Variants in FECH observed in about 807,000 individuals in gnomAD.
FECH encodes ferrochelatase, mitochondrial.
Under a neutral mutation model 56.9 loss-of-function variants are expected in FECH, and 40 were observed. The ratio of observed to expected loss-of-function variants is 0.70; its 90% confidence interval spans 0.55 to 0.92. FECH has a LOEUF of 0.92. FECH is among the 40% of genes least tolerant of loss of function. The pLI is 0.00. For synonymous variants in FECH, 175 were observed against 198.6 expected, an observed-to-expected ratio of 0.88 and a Z score of 1.00; for missense variants, 431 against 529.1, an observed-to-expected ratio of 0.81 and a Z score of 1.82.
chr18:57,580,068 C>A lies in FECH; in HGVS notation c.194+5G>T, dbSNP rs2051252554. ...TCTTATTTGTACCTGATGTTAGACT[C>A]ATACCTCTTCTGCGGTTGAACTTGA... On this transcript the variant is annotated splice_donor_5th_base_variant and intron_variant, in intron 2 of 10. Transcript: ENST00000262093. The A allele has an allele frequency of 6.2e-7, 1 of 1,613,888 alleles. No individual in the cohort carries two copies. The highest frequency in any genetic ancestry group is 1.3e-5 in the African/African-American group (1 of 74,928).
chr18:57,563,041 A>T, intron 5 of FECH, 61 bp from the exon 6 acceptor site: 2 of 1,354,390 alleles, frequency 1.5e-6, no homozygotes, highest in Non-Finnish European at 2.1e-6. Context: ...TAAAAAACAG[A>T]CTCGTAAAGG....
rs762524125 is a variant in FECH at position 57,580,216 on chromosome 18, G to A, written c.68-17C>T. 6 of 1,613,986 alleles carry A rather than the reference G, an allele frequency of 3.7e-6. No homozygotes were observed. The highest frequency in any genetic ancestry group is 1.3e-5 in the African/African-American group (1 of 74,912). On this transcript the variant is annotated splice_polypyrimidine_tract_variant and intron_variant, in intron 1 of 10. Coordinates refer to ENST00000262093, the MANE Select transcript of FECH (RefSeq NM_000140.5). ...TGGATGCCACTGTGACAAAATTAAA[G>A]TGCTCGCATGAAATCTAGCTAGAAA...
intron 1 of FECH, among the ~76,000 whole-genome samples, chr18:57,582,989 T>C (rs891942986): frequency 6.6e-6 from 1 of 152,002 alleles, no homozygotes; most frequent in Non-Finnish European, 1.5e-5. Context: ...CTAATAAATT[T>C]GGGAGCTAGT....
intron 3 of FECH, 133 bp from the exon 4 acceptor site, chr18:57,571,673 C>G (rs976793650): frequency 7.6e-7 from 1 of 1,314,052 alleles, no homozygotes. Flanking sequence ...AAAACAGAAG[C>G]TTGAGGTCAT....
At chr18:57,562,629 G>A (rs150365823) in intron 6 of FECH, among the ~76,000 whole-genome samples, 5 of 152,250 alleles carry the variant, frequency 3.3e-5, no homozygotes, top group Non-Finnish European at 5.9e-5. Flanking sequence ...TCAAAATATC[G>A]TTTTGTTATG....
intron 5 of FECH, 152 bp from the exon 6 acceptor site, chr18:57,563,132 A>C (rs911754870): frequency 1.4e-6 from 1 of 690,886 alleles, no homozygotes; most frequent in African/African-American, 1.8e-5. Flanking sequence ...TCTAAAATGC[A>C]TATAGATTTA....
Position 57,574,936 on chromosome 18 carries a change from G to T in FECH, c.195-1571C>A, listed in dbSNP as rs185397760. On this transcript the variant is annotated intron_variant, in intron 2 of 10. Transcript: ENST00000262093. ...AAACCATCACGACTATCTAACTCCA[G>T]GACATCTTTACCCCACAAAGAATCT... Among the ~76,000 whole-genome samples, 52 of 152,280 alleles carry T rather than the reference G, an allele frequency of 3.4e-4. 1 individual carries two copies. Among genetic ancestry groups the T allele is most frequent in the African/African-American group, 1.2e-3 (48 of 41,550 alleles).
chr18:57,548,845 C>T lies in FECH; in HGVS notation c.*1867G>A, dbSNP rs1598973130. 1 of 152,236 alleles carries T rather than the reference C, an allele frequency of 6.6e-6. No homozygotes were observed. The highest frequency in any genetic ancestry group is 1.5e-5 in the Non-Finnish European group (1 of 68,050). The allele number at this position is 152,236 out of a possible 1,614,324, so 9.4% of individuals were successfully genotyped here. A position where few individuals can be genotyped will look rare whatever the true frequency, so the allele number is the denominator to read the frequency against. On this transcript the variant is annotated 3_prime_UTR_variant, in exon 11 of 11. Coordinates refer to ENST00000262093, the MANE Select transcript of FECH (RefSeq NM_000140.5). ...AGCAAATAAGTGCTTCAGATATACTCGCAAGGGCTCCTGAATTGGAGTTTT... is the reference window on the plus strand; with the variant it reads ...AGCAAATAAGTGCTTCAGATATACTTGCAAGGGCTCCTGAATTGGAGTTTT...
intron 7 of FECH, among the ~76,000 whole-genome samples, chr18:57,555,404 A>G (rs1285669971): frequency 1.3e-5 from 2 of 152,176 alleles, no homozygotes; most frequent in Non-Finnish European, 2.9e-5. Context: ...ACCCTGGTGG[A>G]ATTAGAGGAG....
At chr18:57,554,506 C>CAGG in intron 8 of FECH, 82 bp from the exon 9 acceptor site, 1 of 1,458,796 alleles carries the variant, frequency 6.9e-7, no homozygotes, top group Non-Finnish European at 9.6e-7. Flanking sequence ...CCTGGGCACA[C>CAGG]GCACTGCCCA....
At chr18:57,585,923 A>C (rs1408676791) in intron 1 of FECH, 3 of 152,332 alleles carry the variant, frequency 2.0e-5, no homozygotes, top group African/African-American at 7.2e-5. Context: ...ATGCTGTCCC[A>C]GCCAGGTGTG....
At chr18:57,565,441 AC>A (rs1448247031) in intron 5 of FECH, among the ~76,000 whole-genome samples, 1 of 152,138 alleles carries the variant, frequency 6.6e-6, no homozygotes, top group Non-Finnish European at 1.5e-5. Context: ...CCCCATCTCT[AC>A]CAAAAATACA....
At position 57,546,253 on chromosome 18, in the gene FECH, C is replaced by T. The variant is rs1197781548; in HGVS notation, c.*4459G>A. 4.6e-5 allele frequency among the ~76,000 whole-genome samples: 7 copies of T among 152,202 alleles called. No homozygotes were observed. Among genetic ancestry groups the T allele is most frequent in the Non-Finnish European group, 8.8e-5 (6 of 68,036 alleles). ...CTTGGCTGATGCACCTGTGCCTTCACGTGCCCCCGTGCGCACACATAGACG... is the reference window on the plus strand; with the variant it reads ...CTTGGCTGATGCACCTGTGCCTTCATGTGCCCCCGTGCGCACACATAGACG... On this transcript the variant is annotated 3_prime_UTR_variant, in exon 11 of 11. Transcript: ENST00000262093.
intron 7 of FECH, among the ~76,000 whole-genome samples, chr18:57,558,484 A>T (rs952613529): frequency 3.3e-5 from 5 of 152,202 alleles, no homozygotes; most frequent in African/African-American, 1.2e-4. Flanking sequence ...TGGGATTGAG[A>T]GCGCTTGTCT....
rs775014634 is a variant in FECH at position 57,558,960 on chromosome 18, T to G, written c.804+185A>C. On this transcript the variant is annotated intron_variant, in intron 7 of 10. Coordinates refer to ENST00000262093, the MANE Select transcript of FECH (RefSeq NM_000140.5). ...AGGAAAAGATCTATTTACAACATTA[T>G]AATTTGAATTCATTGTTACGAGGTT... 6.6e-5 allele frequency among the ~76,000 whole-genome samples: 10 copies of G among 152,172 alleles called. 1 individual carries two copies. The highest frequency in any genetic ancestry group is 1.5e-4 in the Non-Finnish European group (10 of 68,018).
intron 9 of FECH, among the ~76,000 whole-genome samples, chr18:57,552,883 G>C (rs898114862): frequency 6.6e-6 from 1 of 152,180 alleles, no homozygotes; most frequent in East Asian, 1.9e-4. Context: ...TGATGGGAGA[G>C]TCAGCGATAC....
chr18:57,570,134 T>A (rs1462402307), intron 4 of FECH, among the ~76,000 whole-genome samples: 1 of 151,600 alleles, frequency 6.6e-6, no homozygotes, highest in South Asian at 2.1e-4. Flanking sequence ...GCTCAAGCGA[T>A]CCACCTGCCT....
At position 57,575,287 on chromosome 18, in the gene FECH, G is replaced by A. The variant is rs542063960; in HGVS notation, c.195-1922C>T. 4.6e-5 allele frequency among the ~76,000 whole-genome samples: 7 copies of A among 152,246 alleles called. No homozygotes were observed. The East Asian group carries it at 1.3e-3, about 29-fold the overall frequency. ...CCAGCCTGAAGTTTATCTAAACACC[G>A]TTATTATGAACGCTGAGGGGTCTAC... On this transcript the variant is annotated intron_variant, in intron 2 of 10. Coordinates refer to ENST00000262093, the MANE Select transcript of FECH (RefSeq NM_000140.5).
In FECH at chr18:57,549,424, T is replaced by A. The variant is rs1158022800; in HGVS notation, c.*1288A>T. ...TAATACTTCCACTTTATAAACTGGCTAAAAAAAAAAAAAAAAAGAAACGCT... is the reference window on the plus strand; with the variant it reads ...TAATACTTCCACTTTATAAACTGGCAAAAAAAAAAAAAAAAAAGAAACGCT... On this transcript the variant is annotated 3_prime_UTR_variant, in exon 11 of 11. Transcript: ENST00000262093. The A allele has an allele frequency of 1.1e-4, 16 of 141,710 alleles. No individual in the cohort carries two copies. Among genetic ancestry groups the A allele is most frequent in the Non-Finnish European group, 1.7e-4 (11 of 65,992 alleles). 8.8% of individuals were successfully genotyped at this position (141,710 alleles called of 1,614,324 possible).
Sources: allele counts gnomAD v4.1 joint callset (sites outside exome capture counted in the v4.1 genomes callset), GRCh38; gene constraint gnomAD v4.1.1; transcripts MANE v1.5; gene names NCBI Gene and HGNC (gene_info 2026-07-23, HGNC 2026-07-21).